Variants in SPTBN1 observed in about 807,000 individuals in gnomAD.
The protein encoded by SPTBN1 is spectrin beta chain, non-erythrocytic 1.
In SPTBN1, 32 loss-of-function variants were observed where a neutral mutation model predicts 266.4. That is an observed-to-expected ratio of 0.12 (90% CI 0.09 to 0.16). SPTBN1 has a LOEUF of 0.16. SPTBN1 is among the 10% of genes least tolerant of loss of function. SPTBN1 has a pLI of 1.00. For missense variants in SPTBN1, 2,296 were observed against 3,067.1 expected (o/e 0.75, Z 5.94); for synonymous variants, 1,336 against 1,162.2 (o/e 1.15, Z -3.04).
chr2:54,662,131 C>A, intron 32 of SPTBN1: 3 of 985,308 alleles, frequency 3.0e-6, no homozygotes, highest in Non-Finnish European at 3.6e-6. Context: ...CACTAAAGCA[C>A]TCTGGACTAA....
At chr2:54,638,851 C>T (rs1473602211) in intron 18 of SPTBN1, among the ~76,000 whole-genome samples, 1 of 152,212 alleles carries the variant, frequency 6.6e-6, no homozygotes, top group Non-Finnish European at 1.5e-5. Context: ...ACCCTGCATG[C>T]AAATGTGTGA....
chr2:54,505,877 C>T (rs1669525608), intron 1 of SPTBN1, among the ~76,000 whole-genome samples: 1 of 152,122 alleles, frequency 6.6e-6, no homozygotes. Context: ...GTAATCCCAG[C>T]ACTTTGGGAG....
At position 54,558,719 on chromosome 2, in the gene SPTBN1, G is replaced by C; in HGVS notation, c.148+32153G>C. 11 of 1,580,070 alleles carry C rather than the reference G, an allele frequency of 7.0e-6. No homozygotes were observed. ...AGGCTGCTGCGTGTTGGATGGGAGT[G>C]GGAGGGGGCTGGAGCGAGATTTCCA... On this transcript the variant is annotated intron_variant, in intron 2 of 35. Transcript: ENST00000356805. The surrounding 1 kb of genome is among the most constrained non-coding windows in gnomAD (Gnocchi z 4.6).
At position 54,626,959 on chromosome 2, in the gene SPTBN1, C is replaced by G. The variant is rs1678380119; in HGVS notation, c.1644+725C>G. 6.6e-6 allele frequency among the ~76,000 whole-genome samples: 1 copy of G among 151,902 alleles called. No homozygotes were observed. Among genetic ancestry groups the G allele is most frequent in the Non-Finnish European group, 1.5e-5 (1 of 67,918 alleles). On this transcript the variant is annotated intron_variant, in intron 12 of 35. Transcript: ENST00000356805. This position sits in a 1 kb window ranked among gnomAD's most constrained non-coding sequence, Gnocchi z 4.7. Reference sequence around the variant, plus strand: ...CCTCCAATGCAGGCCATGGAATGCTCAGCCATGCCAAGCAGTTCTCCAGCT... The same window carrying G: ...CCTCCAATGCAGGCCATGGAATGCTGAGCCATGCCAAGCAGTTCTCCAGCT...
intron 1 of SPTBN1, among the ~76,000 whole-genome samples, chr2:54,503,841 T>G (rs1006709832): frequency 1.3e-5 from 2 of 152,206 alleles, no homozygotes; most frequent in Non-Finnish European, 2.9e-5. Context: ...GGGTTCACTT[T>G]TGGGGGGAAT....
chr2:54,606,709 G>A (rs1243555658), intron 3 of SPTBN1, among the ~76,000 whole-genome samples: 1 of 152,200 alleles, frequency 6.6e-6, no homozygotes, highest in African/African-American at 2.4e-5. Context: ...ACACATGAGA[G>A]CCATATGCAG....
chr2:54,598,971 G>A (rs1676289582), intron 2 of SPTBN1, 121 bp from the exon 3 acceptor site: 4 of 1,015,920 alleles, frequency 3.9e-6, no homozygotes, highest in Non-Finnish European at 5.9e-6. Context: ...CTAAGTAGAG[G>A]TGTCCTTGGA....
chr2:54,529,851 CCAA>C (rs1671099130), intron 2 of SPTBN1: 9 of 59,516 alleles, frequency 1.5e-4, no homozygotes, highest in South Asian at 1.1e-3. Flanking sequence ...TCTCTTTTCA[CCAA>C]AAAAAAAAAA....
At chr2:54,620,369 T>C (rs574523831) in intron 7 of SPTBN1, among the ~76,000 whole-genome samples, 1 of 152,350 alleles carries the variant, frequency 6.6e-6, no homozygotes, top group African/African-American at 2.4e-5. Context: ...GAAATGGACC[T>C]TGATGGATAG....
chr2:54,512,402 T>A (rs996303429), intron 1 of SPTBN1, among the ~76,000 whole-genome samples: 1 of 152,206 alleles, frequency 6.6e-6, no homozygotes, highest in African/African-American at 2.4e-5. Context: ...GCTGCAGTGT[T>A]AATGCAAGCG....
chr2:54,608,802 C>T (rs1238459732), intron 3 of SPTBN1, among the ~76,000 whole-genome samples: 1 of 152,026 alleles, frequency 6.6e-6, no homozygotes, highest in African/African-American at 2.4e-5. Flanking sequence ...ATTTGATTCC[C>T]CCAAAACTTT....
intron 2 of SPTBN1, among the ~76,000 whole-genome samples, chr2:54,577,328 T>C (rs1422988297): frequency 6.6e-6 from 1 of 152,144 alleles, no homozygotes; most frequent in African/African-American, 2.4e-5. Context: ...CCGAATGTGC[T>C]CCCCCAAGGC....
chr2:54,572,216 C>T (rs1432638731), intron 2 of SPTBN1, among the ~76,000 whole-genome samples: 2 of 152,202 alleles, frequency 1.3e-5, no homozygotes, highest in African/African-American at 2.4e-5. Flanking sequence ...GTCTTTTTCC[C>T]CCCTTTCTTT....
intron 1 of SPTBN1, among the ~76,000 whole-genome samples, chr2:54,507,454 AG>A (rs1462381890): frequency 6.6e-6 from 1 of 152,146 alleles, no homozygotes; most frequent in African/African-American, 2.4e-5. Context: ...GGAGAGATGA[AG>A]CTGAAGGAAG....
At chr2:54,543,968 T>G (rs1672088357) in intron 2 of SPTBN1, among the ~76,000 whole-genome samples, 1 of 152,146 alleles carries the variant, frequency 6.6e-6, no homozygotes, top group East Asian at 1.9e-4. Context: ...TCCTCTTTGT[T>G]GAGACAGCTG....
At position 54,645,212 on chromosome 2, in the gene SPTBN1, T is replaced by A; in HGVS notation, c.4270-17T>A. On this transcript the variant is annotated splice_polypyrimidine_tract_variant and intron_variant, in intron 20 of 35. Transcript: ENST00000356805. This position sits in a 1 kb window ranked among gnomAD's most constrained non-coding sequence, Gnocchi z 4.3. ...GATAGTCTGTGCTGAGCGCTGAGGC[T>A]GCTTCTCTGCCCTCAGATGCTGGAG... 6.2e-7 allele frequency: 1 copy of A among 1,613,504 alleles called. No individual in the cohort carries two copies.
At chr2:54,544,418 G>T (rs1024782168) in intron 2 of SPTBN1, among the ~76,000 whole-genome samples, 5 of 152,148 alleles carry the variant, frequency 3.3e-5, no homozygotes, top group African/African-American at 1.2e-4. Flanking sequence ...GATACCTCAG[G>T]TATCTCATTT....
intron 1 of SPTBN1, among the ~76,000 whole-genome samples, chr2:54,500,513 G>C (rs753116020): frequency 1.3e-5 from 2 of 152,158 alleles, no homozygotes; most frequent in African/African-American, 2.4e-5. Flanking sequence ...TAGCTGATTA[G>C]TAGCTCTCAA....
Position 54,596,568 on chromosome 2 carries a change from C to T in SPTBN1, c.149-2524C>T, listed in dbSNP as rs188768438. On this transcript the variant is annotated intron_variant, in intron 2 of 35. Transcript: ENST00000356805. ...GGGTGTGAACCTGAGGAACTTAGAC[C>T]CTGCGTGATTTTTCCAGCACTCTTG... is the stretch of plus-strand genomic sequence containing the variant. Among the ~76,000 whole-genome samples the T allele has an allele frequency of 9.9e-4, 150 of 152,250 alleles. 1 individual carries two copies. The highest frequency in any genetic ancestry group is 2.2e-3 in the Admixed American group (34 of 15,288).
Sources: allele counts gnomAD v4.1 joint callset (sites outside exome capture counted in the v4.1 genomes callset), GRCh38; gene constraint gnomAD v4.1.1; non-coding constraint Gnocchi (gnomAD v3.1); transcripts MANE v1.5; gene names NCBI Gene and HGNC (gene_info 2026-07-23, HGNC 2026-07-21).